The following NAALADL2 variants were observed in gnomAD, a reference collection of about 807,000 sequenced individuals.
The protein encoded by NAALADL2 is N-acetylated alpha-linked acidic dipeptidase like 2.
In NAALADL2, 76 loss-of-function variants were observed where a neutral mutation model predicts 87.2. The ratio of observed to expected loss-of-function variants is 0.87; its 90% CI spans 0.72 to 1.05. The LOEUF is 1.05. Among genes scored for constraint, NAALADL2 ranks in the 50% least tolerant of loss-of-function variants. NAALADL2 has a pLI of 0.00. For missense variants in NAALADL2, 1,089 were observed against 945.8 expected (o/e 1.15, Z -1.99); for synonymous variants, 354 against 331.0 (o/e 1.07, Z -0.75).
chr3:174,885,891 T>G (rs1412136251), intron 1 of NAALADL2, among the ~76,000 whole-genome samples: 2 of 23,740 alleles, frequency 8.4e-5, no homozygotes, highest in African/African-American at 2.6e-4. Context: ...TTTTTTTTTT[T>G]TTTTTTTTTT....
chr3:175,587,094 G>A (rs569790989), intron 10 of NAALADL2, among the ~76,000 whole-genome samples: 1 of 152,282 alleles, frequency 6.6e-6, no homozygotes, highest in East Asian at 1.9e-4. Context: ...GACTCCCTCT[G>A]ATGGACTGAC....
At chr3:174,773,511 C>G (rs1714832839) in intron 3 of NAALADL2, among the ~76,000 whole-genome samples, 1 of 152,140 alleles carries the variant, frequency 6.6e-6, no homozygotes, top group African/African-American at 2.4e-5. Flanking sequence ...AGTGATGAGA[C>G]TTTCATAGAA....
At chr3:175,294,817 A>G (rs1263539244) in intron 4 of NAALADL2, among the ~76,000 whole-genome samples, 1 of 152,172 alleles carries the variant, frequency 6.6e-6, no homozygotes, top group African/African-American at 2.4e-5. Context: ...TTTTCATCTG[A>G]CAGAAAAATT....
At chr3:175,447,740 G>A (rs1020954356) in intron 6 of NAALADL2, among the ~76,000 whole-genome samples, 2 of 152,184 alleles carry the variant, frequency 1.3e-5, no homozygotes, top group Non-Finnish European at 2.9e-5. Context: ...ACTATCTGGG[G>A]TATGAAGTCT....
At chr3:174,873,719 A>T (rs1728144602) in intron 1 of NAALADL2, among the ~76,000 whole-genome samples, 1 of 151,996 alleles carries the variant, frequency 6.6e-6, no homozygotes. Context: ...TATGCCAGGT[A>T]CTTATCCTGG....
In NAALADL2 at chr3:175,304,284, T is replaced by C. The variant is rs112312885; in HGVS notation, c.940-19891T>C. The stretch of plus-strand genomic sequence containing the variant: ...ATGCGGAAATGAATTTATTAGTGGA[T>C]ACTCTCCTTCTTTTCAACTCTCCAG... On this transcript the variant is annotated intron_variant, in intron 4 of 13. Transcript: ENST00000454872. Among the ~76,000 whole-genome samples the C allele has an allele frequency of 8.3e-3, 1,258 of 152,250 alleles. 5 individuals carry two copies. Among genetic ancestry groups the C allele is most frequent in the African/African-American group, 0.013 (548 of 41,532 alleles).
intron 3 of NAALADL2, among the ~76,000 whole-genome samples, chr3:174,832,338 C>T (rs1355051824): frequency 2.0e-5 from 3 of 152,222 alleles, no homozygotes; most frequent in Admixed American, 1.3e-4. Context: ...CAAAGAACAT[C>T]TTTATTTCTG....
At chr3:175,022,078 C>T (rs1197731980) in intron 1 of NAALADL2, among the ~76,000 whole-genome samples, 1 of 151,996 alleles carries the variant, frequency 6.6e-6, no homozygotes, top group Admixed American at 6.6e-5. Context: ...TGCTGCCTCT[C>T]CTGCCACGTG....
intron 2 of NAALADL2, among the ~76,000 whole-genome samples, chr3:175,133,401 T>G (rs371882878): frequency 2.5e-4 from 37 of 150,888 alleles, no homozygotes; most frequent in South Asian, 6.3e-4. Context: ...AGCGAGCCGA[T>G]ATCACGCCAC....
intron 10 of NAALADL2, among the ~76,000 whole-genome samples, chr3:175,616,422 A>C (rs1725362328): frequency 6.6e-6 from 1 of 152,046 alleles, no homozygotes; most frequent in Non-Finnish European, 1.5e-5. Context: ...GAATATAAAC[A>C]TTAGGTTTCT....
At chr3:175,546,875 A>G (rs2149481817) in intron 9 of NAALADL2, among the ~76,000 whole-genome samples, 3 of 152,082 alleles carry the variant, frequency 2.0e-5, no homozygotes, top group Admixed American at 2.0e-4. Context: ...GGTGCAGTAT[A>G]TCTACAAGGA....
chr3:175,213,707 G>A (rs765276694), intron 2 of NAALADL2, among the ~76,000 whole-genome samples: 3 of 152,138 alleles, frequency 2.0e-5, no homozygotes, highest in Admixed American at 6.6e-5. Flanking sequence ...TTTAACCATA[G>A]CAACCCATTA....
intron 2 of NAALADL2, among the ~76,000 whole-genome samples, chr3:175,143,817 G>A (rs1452594168): frequency 2.0e-5 from 3 of 151,744 alleles, no homozygotes; most frequent in Non-Finnish European, 2.9e-5. Context: ...ACCTCCTTAC[G>A]CAATGACATA....
chr3:175,706,062 A>G (rs62284553), intron 11 of NAALADL2, among the ~76,000 whole-genome samples: 16,461 of 152,152 alleles, frequency 0.11, 953 homozygotes, highest in Middle Eastern at 0.17. Flanking sequence ...GAGATCAGGG[A>G]ACTATATGAA....
chr3:174,554,147 A>G (rs1712466773), intron 2 of NAALADL2, among the ~76,000 whole-genome samples: 1 of 152,006 alleles, frequency 6.6e-6, no homozygotes, highest in African/African-American at 2.4e-5. Context: ...TATTTTGTCT[A>G]GAAAACAAAA....
At chr3:175,722,894 T>C (rs192549435) in intron 11 of NAALADL2, among the ~76,000 whole-genome samples, 1 of 152,254 alleles carries the variant, frequency 6.6e-6, no homozygotes, top group East Asian at 1.9e-4. Flanking sequence ...CTAATTTCCT[T>C]GAAAAGAGTG....
At chr3:175,095,458 A>G (rs1720982520) in intron 1 of NAALADL2, among the ~76,000 whole-genome samples, 4 of 152,074 alleles carry the variant, frequency 2.6e-5, no homozygotes, top group African/African-American at 9.7e-5. Flanking sequence ...AGTCAATGCT[A>G]GGTAAGAATG....
At chr3:175,581,189 C>T (rs775783221) in intron 10 of NAALADL2, 121 of 360,484 alleles carry the variant, frequency 3.4e-4, no homozygotes, top group South Asian at 1.7e-3. Flanking sequence ...TGCCTGTCAT[C>T]TCTGCCCTTT....
chr3:175,164,950 G>GAAAA (rs1560108870), intron 2 of NAALADL2, among the ~76,000 whole-genome samples: 1 of 152,122 alleles, frequency 6.6e-6, no homozygotes, highest in Admixed American at 6.6e-5. Flanking sequence ...CCATATCTTT[G>GAAAA]AATGGAACTA....
Sources: allele counts gnomAD v4.1 joint callset (sites outside exome capture counted in the v4.1 genomes callset), GRCh38; gene constraint gnomAD v4.1.1; transcripts MANE v1.5; gene names NCBI Gene and HGNC (gene_info 2026-07-23, HGNC 2026-07-21).